Variants in ARSK observed in about 807,000 individuals in gnomAD.
The protein encoded by ARSK is arylsulfatase K.
In ARSK, 37 loss-of-function variants were observed where a neutral mutation model predicts 53.2. The ratio of observed to expected loss-of-function variants is 0.70; its 90% CI spans 0.54 to 0.92. The LOEUF (loss-of-function observed/expected upper bound fraction) is 0.92. Ranked by LOEUF, ARSK falls within the 40% of genes least tolerant of loss-of-function variation. ARSK has a pLI of 0.00. For synonymous variants in ARSK, 208 were observed against 223.2 expected, an observed-to-expected ratio of 0.93 and a Z score of 0.61; for missense variants, 613 against 643.0, an observed-to-expected ratio of 0.95 and a Z score of 0.51.
intron 3 of ARSK, among the ~76,000 whole-genome samples, chr5:95,568,353 T>C (rs1355126292): frequency 1.3e-5 from 2 of 152,248 alleles, no homozygotes; most frequent in Non-Finnish European, 2.9e-5. Flanking sequence ...ATTATTAATT[T>C]TAAAATCTGT....
At chr5:95,564,263 C>T (rs868853154) in intron 1 of ARSK, among the ~76,000 whole-genome samples, 1 of 152,206 alleles carries the variant, frequency 6.6e-6, no homozygotes, top group African/African-American at 2.4e-5. Flanking sequence ...CAGGCATGAG[C>T]CACTGTGCCT....
At chr5:95,599,629 CTTCT>C (rs1448413355) in intron 6 of ARSK, among the ~76,000 whole-genome samples, 1 of 152,190 alleles carries the variant, frequency 6.6e-6, no homozygotes, top group African/African-American at 2.4e-5. Context: ...ATACTCCTCT[CTTCT>C]TTCTTTCCTT....
chr5:95,578,837 C>T (rs991392983), intron 3 of ARSK, among the ~76,000 whole-genome samples: 18 of 152,212 alleles, frequency 1.2e-4, no homozygotes, highest in Admixed American at 4.6e-4. Context: ...CTGATTGTAT[C>T]CAATATTTTA....
rs1474297929 is a variant in ARSK at position 95,591,331 on chromosome 5, A to G, written c.872-70A>G. The stretch of plus-strand genomic sequence containing the variant: ...CAAACTCTTATAGGGTAGAGTGGTT[A>G]TAAACTTAATGTGATAGAATAAAAC... On this transcript the variant is annotated intron_variant, in intron 5 of 7. Coordinates refer to ENST00000380009, the MANE Select transcript of ARSK (RefSeq NM_198150.3). The G allele has an allele frequency of 2.3e-6, 3 of 1,316,112 alleles. No homozygotes were observed. In the East Asian group the frequency reaches 6.9e-5, roughly 30 times the overall value. The allele number at this position is 1,316,112 out of a possible 1,614,324, so 81.5% of individuals were successfully genotyped here. A position where few individuals can be genotyped will look rare whatever the true frequency, so the allele number is the denominator to read the frequency against.
chr5:95,602,935 A>C (rs1481342064), intron 7 of ARSK, among the ~76,000 whole-genome samples: 4 of 152,236 alleles, frequency 2.6e-5, no homozygotes, highest in African/African-American at 9.6e-5. Flanking sequence ...CATCAAAAAC[A>C]GGAAGAACTT....
At chr5:95,559,754 GA>G (rs576000173) in intron 1 of ARSK, among the ~76,000 whole-genome samples, 71 of 149,028 alleles carry the variant, frequency 4.8e-4, no homozygotes, top group Non-Finnish European at 8.2e-4. Flanking sequence ...ATGGTTAAAA[GA>G]AAAAAAAAAT....
intron 4 of ARSK, among the ~76,000 whole-genome samples, chr5:95,585,484 G>T (rs1292614735): frequency 6.6e-6 from 1 of 152,158 alleles, no homozygotes; most frequent in African/African-American, 2.4e-5. Flanking sequence ...ATACTACTCA[G>T]CCGTAAGAAA....
In ARSK at chr5:95,573,662, G is replaced by C. The variant is rs147102790; in HGVS notation, c.416+5613G>C. On this transcript the variant is annotated intron_variant, in intron 3 of 7. Transcript: ENST00000380009. The stretch of plus-strand genomic sequence containing the variant: ...TTCCCTATCATTTCATCTTACCATT[G>C]TAATTATGTATGTTGTCTGCTCATG... Among the ~76,000 whole-genome samples, 233 of 152,228 alleles carry C rather than the reference G, an allele frequency of 1.5e-3. 1 individual carries two copies. Among genetic ancestry groups the C allele is most frequent in the Non-Finnish European group, 2.1e-3 (141 of 68,000 alleles).
chr5:95,576,634 C>T (rs1748928932), intron 3 of ARSK, among the ~76,000 whole-genome samples: 1 of 151,758 alleles, frequency 6.6e-6, no homozygotes, highest in Admixed American at 6.6e-5. Context: ...CCTGTAACCC[C>T]AGCACTTTGG....
intron 5 of ARSK, among the ~76,000 whole-genome samples, chr5:95,589,640 G>T (rs1749179411): frequency 6.6e-6 from 1 of 152,180 alleles, no homozygotes. Context: ...AGTATTGCAT[G>T]GTGTAGATGT....
In ARSK at chr5:95,555,223, G is replaced by A; in HGVS notation, c.-56G>A. The A allele has an allele frequency of 6.6e-7, 1 of 1,520,666 alleles. No individual in the cohort carries two copies. 94.2% of individuals were successfully genotyped at this position (1,520,666 alleles called of 1,614,324 possible). On this transcript the variant is annotated 5_prime_UTR_variant, in exon 1 of 8. Transcript: ENST00000380009. The surrounding 1 kb of genome is among the most constrained non-coding windows in gnomAD (Gnocchi z 4.0). ...TCCCTGCCCTGCTCTGCTAGGGAGA[G>A]AACGCCAGAGGGAGGCGGCTGGCCC...
chr5:95,581,034 C>A, intron 3 of ARSK: 3 of 670,986 alleles, frequency 4.5e-6, no homozygotes, highest in Non-Finnish European at 6.6e-6. Flanking sequence ...TAAGTACCAG[C>A]AATTATGGGA....
intron 3 of ARSK, among the ~76,000 whole-genome samples, chr5:95,577,847 G>A (rs2112428075): frequency 6.6e-6 from 1 of 152,126 alleles, no homozygotes; most frequent in East Asian, 1.9e-4. Context: ...AGAAAAATCT[G>A]TGATTTTAAT....
Position 95,555,119 on chromosome 5 carries a change from A to C in ARSK, c.-160A>C. 1.8e-6 allele frequency: 1 copy of C among 556,528 alleles called. No individual in the cohort carries two copies. 34.5% of individuals were successfully genotyped at this position (556,528 alleles called of 1,614,324 possible). On this transcript the variant is annotated 5_prime_UTR_variant, in exon 1 of 8. Transcript: ENST00000380009. This position sits in a 1 kb window ranked among gnomAD's most constrained non-coding sequence, Gnocchi z 4.0. ...TGCGCATGTGCGCGCTCTCCGCCTG[A>C]TAGGAGTTGTAGTTCTGCGGGTGAA...
chr5:95,600,790 G>T, intron 6 of ARSK, 57 bp from the exon 7 acceptor site: 1 of 1,429,652 alleles, frequency 7.0e-7, no homozygotes, highest in Admixed American at 1.7e-5. Context: ...ATTTGTGAAT[G>T]TTCAGCTAAT....
At chr5:95,566,743 A>G (rs1748732457) in intron 2 of ARSK, among the ~76,000 whole-genome samples, 1 of 152,176 alleles carries the variant, frequency 6.6e-6, no homozygotes, top group Non-Finnish European at 1.5e-5. Flanking sequence ...TATAAATTCT[A>G]TCTATTGTCT....
Position 95,592,557 on chromosome 5 carries a change from T to C in ARSK, c.1096+932T>C, listed in dbSNP as rs146637192. ...TTCCAGTTCCTTGAACTCTTTTTTT[T>C]TGTGTGTGTGTGATGGAGTTTCGCT... On this transcript the variant is annotated intron_variant, in intron 6 of 7. Transcript: ENST00000380009. Among the ~76,000 whole-genome samples the C allele has an allele frequency of 3.3e-5, 5 of 152,156 alleles. No individual in the cohort carries two copies. The East Asian group carries it at 5.8e-4, about 18-fold the overall frequency.
At chr5:95,601,974 A>C in intron 7 of ARSK, among the ~76,000 whole-genome samples, 1 of 152,150 alleles carries the variant, frequency 6.6e-6, no homozygotes, top group East Asian at 1.9e-4. Context: ...TCAACAGACC[A>C]CATCAAACCA....
In ARSK at chr5:95,581,340, G is replaced by C. The variant is rs78713167; in HGVS notation, c.417-1576G>C. Among the ~76,000 whole-genome samples the C allele has an allele frequency of 6.5e-3, 990 of 152,306 alleles. 8 individuals are homozygous for C. The highest frequency in any genetic ancestry group is 0.049 in the East Asian group (254 of 5,184). ...ACACTTAATCACTGTTATAGCAAAA[G>C]ATGCAGCAAGCTGGGTTCAATATAG... On this transcript the variant is annotated intron_variant, in intron 3 of 7. Transcript: ENST00000380009.
Sources: allele counts gnomAD v4.1 joint callset (sites outside exome capture counted in the v4.1 genomes callset), GRCh38; gene constraint gnomAD v4.1.1; non-coding constraint Gnocchi (gnomAD v3.1); transcripts MANE v1.5; gene names NCBI Gene and HGNC (gene_info 2026-07-23, HGNC 2026-07-21).